The following MXD1 variants were observed in gnomAD, a reference collection of about 807,000 sequenced individuals.
MXD1 encodes MAX dimerization protein 1, also known as MAX-binding protein.
MXD1 carries 9 observed loss-of-function variants against 25.7 expected under a neutral mutation model. The ratio of observed to expected loss-of-function variants is 0.35; its 90% CI spans 0.21 to 0.61. The LOEUF (loss-of-function observed/expected upper bound fraction) is 0.61. MXD1 is among the 20% of genes least tolerant of loss of function. MXD1 has a pLI of 0.75. For missense variants in MXD1, 227 were observed against 292.4 expected, an observed-to-expected ratio of 0.78 and a Z score of 1.63; for synonymous variants, 99 against 113.9, an observed-to-expected ratio of 0.87 and a Z score of 0.83.
chr2:69,928,304 A>G (rs753763678), intron 3 of MXD1, among the ~76,000 whole-genome samples: 10 of 152,184 alleles, frequency 6.6e-5, no homozygotes, highest in Non-Finnish European at 8.8e-5. Context: ...AGGGTGATCT[A>G]TTTGGAAAGG....
In MXD1 at chr2:69,937,220, C is replaced by G. The variant is rs757368030; in HGVS notation, c.319-15C>G. Reference sequence around the variant, plus strand: ...TCTCCCTGTGGGGCCCAACAACTACCCCTTTGACTTGCAGAAACTTGAAGA... The same window carrying G: ...TCTCCCTGTGGGGCCCAACAACTACGCCTTTGACTTGCAGAAACTTGAAGA... On this transcript the variant is annotated splice_polypyrimidine_tract_variant and intron_variant, in intron 4 of 5. Coordinates refer to ENST00000264444, the MANE Select transcript of MXD1 (RefSeq NM_002357.4). 6.2e-7 allele frequency: 1 copy of G among 1,611,974 alleles called. No homozygotes were observed. Among genetic ancestry groups the G allele is most frequent in the Non-Finnish European group, 8.5e-7 (1 of 1,178,510 alleles).
At chr2:69,931,748 T>C (rs1489134218) in intron 3 of MXD1, among the ~76,000 whole-genome samples, 5 of 152,246 alleles carry the variant, frequency 3.3e-5, no homozygotes, top group Non-Finnish European at 7.3e-5. Flanking sequence ...TGACTTATTA[T>C]AGTTCAAAGA....
chr2:69,925,256 G>A (rs1369687623), intron 3 of MXD1, among the ~76,000 whole-genome samples: 3 of 152,010 alleles, frequency 2.0e-5, no homozygotes, highest in Non-Finnish European at 4.4e-5. Context: ...GTATGTGTGT[G>A]TGTGTGTGTG....
At chr2:69,922,702 A>C (rs1434617476) in intron 3 of MXD1, among the ~76,000 whole-genome samples, 2 of 152,104 alleles carry the variant, frequency 1.3e-5, no homozygotes, top group African/African-American at 4.8e-5. Context: ...CAACATGGCA[A>C]AACCCTGTTT....
chr2:69,939,472 CAG>C lies in MXD1; in HGVS notation c.*1191_*1192del, dbSNP rs1677545902. On this transcript the variant is annotated 3_prime_UTR_variant, in exon 6 of 6. Coordinates refer to ENST00000264444, the MANE Select transcript of MXD1 (RefSeq NM_002357.4). ...TGTAGCATTTTTATTTAAGCTAAAACAGAGCACATGTATATGTACATAAGACA... is the reference window on the plus strand; with the variant it reads ...TGTAGCATTTTTATTTAAGCTAAAACAGCACATGTATATGTACATAAGACA... 6.6e-6 allele frequency: 1 copy of C among 152,572 alleles called. No individual in the cohort carries two copies. Among genetic ancestry groups the C allele is most frequent in the Non-Finnish European group, 1.5e-5 (1 of 68,012 alleles). The allele number at this position is 152,572 out of a possible 1,614,324, so 9.5% of individuals were successfully genotyped here.
rs554872920 is a variant in MXD1 at position 69,936,193 on chromosome 2, G to A, written c.318+728G>A. Among the ~76,000 whole-genome samples, 4 of 152,094 alleles carry A rather than the reference G, an allele frequency of 2.6e-5. No individual in the cohort carries two copies. In the East Asian group the frequency reaches 7.7e-4, roughly 29 times the overall value. On this transcript the variant is annotated intron_variant, in intron 4 of 5. Transcript: ENST00000264444. ...GTCTCTCTAGCTCTGATAATCCTTC[G>A]CTGACTTTCCCAACTCAGTGACCTC...
At chr2:69,916,519 A>G (rs1676965038) in intron 2 of MXD1, 2 of 228,266 alleles carry the variant, frequency 8.8e-6, no homozygotes, top group South Asian at 6.5e-5. Flanking sequence ...GAGATTAGCA[A>G]TGGTGACAGT....
chr2:69,930,205 C>A (rs960107860), intron 3 of MXD1, among the ~76,000 whole-genome samples: 6 of 152,154 alleles, frequency 3.9e-5, no homozygotes, highest in African/African-American at 1.2e-4. Context: ...TCCCATAGAT[C>A]CTTCCCAACC....
rs867248147 is a variant in MXD1 at position 69,915,593 on chromosome 2, G to A, written c.73+190G>A. ...CCGCTGCCCCAAAGCAATGAATGGG[G>A]TGGAGAAGGGGCTGCCGCCCGCCGG... On this transcript the variant is annotated intron_variant, in intron 1 of 5. Transcript: ENST00000264444. This position sits in a 1 kb window ranked among gnomAD's most constrained non-coding sequence, Gnocchi z 5.8. Among the ~76,000 whole-genome samples the A allele has an allele frequency of 5.1e-4, 78 of 152,334 alleles. No individual in the cohort carries two copies. Among genetic ancestry groups the A allele is most frequent in the African/African-American group, 1.6e-3 (67 of 41,594 alleles).
At chr2:69,933,411 C>T (rs1677347437) in intron 3 of MXD1, among the ~76,000 whole-genome samples, 1 of 152,138 alleles carries the variant, frequency 6.6e-6, no homozygotes, top group African/African-American at 2.4e-5. Context: ...TGGTCCCCAC[C>T]ACATGCAGTA....
At chr2:69,919,328 A>G (rs1461724077) in intron 2 of MXD1, among the ~76,000 whole-genome samples, 6 of 152,034 alleles carry the variant, frequency 3.9e-5, no homozygotes, top group African/African-American at 1.2e-4. Flanking sequence ...GTTGGCATAT[A>G]CTTTCATCCA....
At chr2:69,932,598 T>C (rs373812890) in intron 3 of MXD1, among the ~76,000 whole-genome samples, 11 of 152,360 alleles carry the variant, frequency 7.2e-5, no homozygotes, top group African/African-American at 2.6e-4. Flanking sequence ...AGTATTAGTC[T>C]CAGCTGGAAT....
chr2:69,934,286 G>A (rs1173412053), intron 3 of MXD1, among the ~76,000 whole-genome samples: 1 of 152,190 alleles, frequency 6.6e-6, no homozygotes, highest in Non-Finnish European at 1.5e-5. Context: ...CTTTAAGGAG[G>A]TGGTAAGCTT....
chr2:69,926,192 A>G (rs893866557), intron 3 of MXD1, among the ~76,000 whole-genome samples: 19 of 152,196 alleles, frequency 1.2e-4, no homozygotes, highest in African/African-American at 4.6e-4. Flanking sequence ...ATTTAGCTAT[A>G]CAGAATCAGT....
intron 2 of MXD1, among the ~76,000 whole-genome samples, chr2:69,921,464 CT>C (rs1218876835): frequency 3.9e-5 from 6 of 152,158 alleles, no homozygotes; most frequent in Non-Finnish European, 8.8e-5. Context: ...AAATAGACCC[CT>C]TTTATTTCTT....
At chr2:69,920,506 C>G (rs966062010) in intron 2 of MXD1, among the ~76,000 whole-genome samples, 8 of 152,056 alleles carry the variant, frequency 5.3e-5, no homozygotes, top group Admixed American at 5.2e-4. Flanking sequence ...CCGCTGCCAT[C>G]CCCCCACATT....
chr2:69,936,518 C>T (rs926548148), intron 4 of MXD1, among the ~76,000 whole-genome samples: 1 of 152,122 alleles, frequency 6.6e-6, no homozygotes, highest in Non-Finnish European at 1.5e-5. Context: ...TATAGTTGGA[C>T]AAATGTTACT....
intron 3 of MXD1, among the ~76,000 whole-genome samples, chr2:69,925,686 T>C (rs553146413): frequency 6.6e-6 from 1 of 152,356 alleles, no homozygotes; most frequent in African/African-American, 2.4e-5. Context: ...ATGAATATGT[T>C]AAACCTCATA....
At chr2:69,923,885 C>T (rs1163916211) in intron 3 of MXD1, among the ~76,000 whole-genome samples, 1 of 152,196 alleles carries the variant, frequency 6.6e-6, no homozygotes, top group Non-Finnish European at 1.5e-5. Flanking sequence ...GCTGAAAAGT[C>T]TTCTAGTTCT....
Sources: gnomAD v4.1 joint callset for allele counts (sites outside exome capture counted in the v4.1 genomes callset) on GRCh38, gnomAD v4.1.1 for gene constraint, Gnocchi (gnomAD v3.1) non-coding constraint, MANE v1.5 for transcripts, NCBI Gene and HGNC (gene_info 2026-07-23, HGNC 2026-07-21) for gene names.